The following BFSP2 variants were observed in gnomAD, a reference collection of about 807,000 sequenced individuals.
BFSP2 encodes beaded filament structural protein 2, also known as phakinin.
In BFSP2, 38 loss-of-function variants were observed where a neutral mutation model predicts 44.9. The ratio of observed to expected loss-of-function variants is 0.85; its 90% CI spans 0.65 to 1.11. BFSP2 has a LOEUF of 1.11. Among genes scored for constraint, BFSP2 ranks in the 50% least tolerant of loss-of-function variants. The probability of loss-of-function intolerance (pLI) is 0.00; values close to 1 mark genes in which losing one functional copy is unlikely to be tolerated. For missense variants in BFSP2, 525 were observed against 533.0 expected (o/e 0.99, Z 0.15); for synonymous variants, 197 against 209.9 (o/e 0.94, Z 0.53).
chr3:133,405,186 C>T (rs1428755793), intron 1 of BFSP2, among the ~76,000 whole-genome samples: 1 of 152,096 alleles, frequency 6.6e-6, no homozygotes, highest in Admixed American at 6.5e-5. Context: ...AATGAAGCTG[C>T]CTGAGGAAGA....
intron 5 of BFSP2, among the ~76,000 whole-genome samples, chr3:133,468,773 TTC>T (rs1326617004): frequency 1.3e-5 from 2 of 152,196 alleles, no homozygotes; most frequent in African/African-American, 4.8e-5. Context: ...TAAATTCAAC[TTC>T]TTGATGAGAC....
In BFSP2 at chr3:133,463,106, C is replaced by T. The variant is rs184003971; in HGVS notation, c.892-3722C>T. Among the ~76,000 whole-genome samples the T allele has an allele frequency of 5.1e-4, 78 of 152,198 alleles. 2 individuals carry two copies. In the East Asian group the frequency reaches 7.2e-3, roughly 14 times the overall value. On this transcript the variant is annotated intron_variant, in intron 4 of 6. Coordinates refer to ENST00000302334, the MANE Select transcript of BFSP2 (RefSeq NM_003571.4). ...GGCGGATCAACTGAGGTCAGGATTT[C>T]GAGACCAGCCTGGCCAACATGGAGA...
chr3:133,450,769 T>A lies in BFSP2; in HGVS notation c.891+305T>A, dbSNP rs545484554. On this transcript the variant is annotated intron_variant, in intron 4 of 6. Coordinates refer to ENST00000302334, the MANE Select transcript of BFSP2 (RefSeq NM_003571.4). ...GAAATTTAGTAATATGCACCAAGAG[T>A]GTTAAAATGCCCCTAGCTACCAACT... is the stretch of plus-strand genomic sequence containing the variant. 2.6e-5 allele frequency among the ~76,000 whole-genome samples: 4 copies of A among 151,748 alleles called. No homozygotes were observed. In the South Asian group the frequency reaches 8.3e-4, roughly 32 times the overall value.
At chr3:133,463,605 T>C (rs998781355) in intron 4 of BFSP2, among the ~76,000 whole-genome samples, 3 of 152,198 alleles carry the variant, frequency 2.0e-5, no homozygotes, top group Non-Finnish European at 2.9e-5. Context: ...TAAATGCCCC[T>C]AGGAGGTCAT....
chr3:133,413,304 T>A (rs1209666633), intron 1 of BFSP2, among the ~76,000 whole-genome samples: 1 of 151,832 alleles, frequency 6.6e-6, no homozygotes, highest in East Asian at 1.9e-4. Context: ...TACTGACGTG[T>A]CCCGGTGGGA....
rs747430405 is a variant in BFSP2 at position 133,472,336 on chromosome 3, C to T, written c.1024-9C>T. Reference sequence around the variant, plus strand: ...TCCTCGGGTTTGGACCGGGTTCGCTCTTTTGTAGAAACGAGGCCTGGAGAA... The same window carrying T: ...TCCTCGGGTTTGGACCGGGTTCGCTTTTTTGTAGAAACGAGGCCTGGAGAA... On this transcript the variant is annotated splice_polypyrimidine_tract_variant and intron_variant, in intron 5 of 6. Transcript: ENST00000302334. 2 of 1,608,404 alleles carry T rather than the reference C, an allele frequency of 1.2e-6. No homozygotes were observed. The highest frequency in any genetic ancestry group is 8.5e-7 in the Non-Finnish European group (1 of 1,179,530).
chr3:133,432,777 A>G (rs2073736512), intron 1 of BFSP2, among the ~76,000 whole-genome samples: 1 of 152,066 alleles, frequency 6.6e-6, no homozygotes, highest in African/African-American at 2.4e-5. Flanking sequence ...TAATCTCTCA[A>G]ACCCCAGCAC....
chr3:133,460,723 CCCTGT>C (rs1414645020), intron 4 of BFSP2, among the ~76,000 whole-genome samples: 6 of 152,132 alleles, frequency 3.9e-5, no homozygotes, highest in Non-Finnish European at 7.3e-5. Context: ...GATAGGGAAC[CCCTGT>C]ATTCCCACGG....
intron 1 of BFSP2, among the ~76,000 whole-genome samples, chr3:133,435,959 G>A (rs939493316): frequency 1.3e-5 from 2 of 152,064 alleles, no homozygotes; most frequent in African/African-American, 4.8e-5. Context: ...TGCTATGATA[G>A]GGGCTCTTTC....
At chr3:133,451,976 A>G (rs1489412920) in intron 4 of BFSP2, among the ~76,000 whole-genome samples, 1 of 152,224 alleles carries the variant, frequency 6.6e-6, no homozygotes, top group African/African-American at 2.4e-5. Flanking sequence ...GAGTTAAGGC[A>G]AAAGGCTGTT....
intron 1 of BFSP2, among the ~76,000 whole-genome samples, chr3:133,420,267 G>T (rs1268494797): frequency 6.6e-6 from 1 of 152,200 alleles, no homozygotes; most frequent in Admixed American, 6.5e-5. Flanking sequence ...TTTAAGAAAG[G>T]CTTGTTCTGC....
rs1011690335 is a variant in BFSP2, at chr3:133,400,859, T to C, written c.489+287T>C. Among the ~76,000 whole-genome samples the C allele has an allele frequency of 6.6e-6, 1 of 152,194 alleles. No individual in the cohort carries two copies. Among genetic ancestry groups the C allele is most frequent in the African/African-American group, 2.4e-5 (1 of 41,450 alleles). On this transcript the variant is annotated intron_variant, in intron 1 of 6. Coordinates refer to ENST00000302334, the MANE Select transcript of BFSP2 (RefSeq NM_003571.4). This position sits in a 1 kb window ranked among gnomAD's most constrained non-coding sequence, Gnocchi z 4.0. ...ATTTTTCAGATGAGAAACTGAGGCA[T>C]GTAATTTGCCCAAGACTTCAAAGCT...
In BFSP2 at chr3:133,400,231, C is replaced by T. The variant is rs763430287; in HGVS notation, c.148C>T (p.Leu50Phe). 2 of 1,613,986 alleles carry T rather than the reference C, an allele frequency of 1.2e-6. No homozygotes were observed. Among genetic ancestry groups the T allele is most frequent in the East Asian group, 2.2e-5 (1 of 44,874 alleles). The stretch of plus-strand genomic sequence containing the variant: ...CTCCAGGACCAATGCCATGAGTGGC[C>T]TTGTCCGAGCACCCGGGGTCTATGT... Reference protein sequence around the residue: ...PASRTNAMSGLVRAPGVYVGT... With the variant: ...PASRTNAMSGFVRAPGVYVGT... Residue 50 changes from leucine (L) to phenylalanine (F), a missense_variant, in exon 1 of 7, where the codon CTT (leucine) becomes TTT (phenylalanine). Coordinates refer to ENST00000302334, the MANE Select transcript of BFSP2 (RefSeq NM_003571.4). The surrounding 1 kb of genome is among the most constrained non-coding windows in gnomAD (Gnocchi z 4.0).
At chr3:133,433,002 C>A (rs896265593) in intron 1 of BFSP2, among the ~76,000 whole-genome samples, 10 of 152,210 alleles carry the variant, frequency 6.6e-5, no homozygotes, top group Non-Finnish European at 1.5e-4. Flanking sequence ...TCACTCTCTA[C>A]ATTTCTCATA....
intron 4 of BFSP2, among the ~76,000 whole-genome samples, chr3:133,451,849 G>T (rs1049122021): frequency 6.6e-6 from 1 of 152,154 alleles, no homozygotes; most frequent in African/African-American, 2.4e-5. Context: ...GATGCATAGG[G>T]TTTGTTCTTC....
At chr3:133,427,111 AAAC>A in intron 1 of BFSP2, among the ~76,000 whole-genome samples, 1 of 152,350 alleles carries the variant, frequency 6.6e-6, no homozygotes, top group South Asian at 2.1e-4. Context: ...TCAACCAAAG[AAAC>A]AACAATTTAT....
intron 1 of BFSP2, 141 bp from the exon 2 acceptor site, chr3:133,447,176 C>T (rs2073910615): frequency 3.9e-6 from 3 of 769,406 alleles, no homozygotes; most frequent in Admixed American, 2.1e-5. Flanking sequence ...AAGAGAGGGA[C>T]ATCTTAATTC....
intron 4 of BFSP2, among the ~76,000 whole-genome samples, chr3:133,456,538 G>C (rs2107932135): frequency 6.6e-6 from 1 of 152,236 alleles, no homozygotes. Context: ...CTTGAGCCCA[G>C]GAGTTCAAGA....
intron 6 of BFSP2, among the ~76,000 whole-genome samples, chr3:133,474,087 C>T (rs2074191397): frequency 6.6e-6 from 1 of 152,168 alleles, no homozygotes; most frequent in African/African-American, 2.4e-5. Flanking sequence ...CTTGCACTCA[C>T]TCTTTTTTTA....
Sources: allele counts gnomAD v4.1 joint callset (sites outside exome capture counted in the v4.1 genomes callset), GRCh38; gene constraint gnomAD v4.1.1; non-coding constraint Gnocchi (gnomAD v3.1); transcripts MANE v1.5; gene names NCBI Gene and HGNC (gene_info 2026-07-23, HGNC 2026-07-21).